VCPIP1: variants seen among roughly 807,000 people sequenced by gnomAD.
VCPIP1 encodes the protein deubiquitinating protein VCPIP1.
VCPIP1 carries 8 observed loss-of-function variants against 85.0 expected under a neutral mutation model. The observed-to-expected ratio is 0.09, with a 90% confidence interval of 0.06 to 0.17. The LOEUF (loss-of-function observed/expected upper bound fraction) is 0.17, where lower values mean the gene tolerates loss of function less well. Ranked by LOEUF, VCPIP1 falls within the 10% of genes least tolerant of loss-of-function variation. The pLI, the probability that VCPIP1 is intolerant of heterozygous loss-of-function variation, is 1.00. For synonymous variants in VCPIP1, 543 were observed against 544.5 expected (o/e 1.00, Z 0.04); for missense variants, 1,070 against 1,486.3 (o/e 0.72, Z 4.61).
In VCPIP1 at chr8:66,665,304, T is replaced by A; in HGVS notation, c.1655A>T (p.Asp552Val). 6.2e-7 allele frequency: 1 copy of A among 1,614,032 alleles called. No individual in the cohort carries two copies. Among genetic ancestry groups the A allele is most frequent in the Non-Finnish European group, 8.5e-7 (1 of 1,179,980 alleles). The change falls in exon 1 of 3, where the codon GAT becomes GTT. Residue 552 changes from aspartate (D) to valine (V), a missense_variant. Transcript: ENST00000310421. This position sits in a 1 kb window ranked among gnomAD's most constrained non-coding sequence, Gnocchi z 4.3. ...HGTSVRKVRG[D>V]GSIVYLDGDR... is the part of the protein sequence containing the mutation. ...TCCATCCAAATACACAATAGACCCATCTCCTCTGACCTTTCGCACAGATGT... is the reference window on the plus strand; with the variant it reads ...TCCATCCAAATACACAATAGACCCAACTCCTCTGACCTTTCGCACAGATGT...
At position 66,635,069 on chromosome 8, in the gene VCPIP1, G is replaced by A. The variant is rs1433489311; in HGVS notation, c.3101C>T (p.Thr1034Ile). Residue 1034 changes from threonine to isoleucine, a missense_variant, in exon 3 of 3, where the codon ACT becomes ATT. By Grantham distance (89) the Thr-to-Ile change is moderately conservative (BLOSUM62 -1). Coordinates refer to ENST00000310421, the MANE Select transcript of VCPIP1 (RefSeq NM_025054.5). ...ATCAAGGTGTGGGTTACCAGATGCA[G>A]TTCCTAAAGAATGCCCTTTTCCCTG... The part of the protein sequence containing the change: ...AFQGKGHSLG[T>I]ASGNPHLDPR... The A allele has an allele frequency of 1.9e-6, 3 of 1,614,184 alleles. No homozygotes were observed. In the South Asian group the frequency reaches 3.3e-5, roughly 18 times the overall value.
intron 2 of VCPIP1, among the ~76,000 whole-genome samples, chr8:66,647,726 T>C (rs1441097356): frequency 5.3e-5 from 8 of 152,092 alleles, no homozygotes; most frequent in Admixed American, 5.2e-4. Flanking sequence ...ATGGATAACA[T>C]AAAGCCTTTT....
chr8:66,664,354 C>T lies in VCPIP1; in HGVS notation c.2605G>A (p.Val869Met). ...QSAAAHSAHTVKQEDIAVTGK... is the reference protein window; with the variant it reads ...QSAAAHSAHTMKQEDIAVTGK... Reference sequence around the variant, plus strand: ...GTAACAGCAATATCTTCTTGTTTCACAGTGTGGGCTGAGTGTGCTGCAGCA... The same window carrying T: ...GTAACAGCAATATCTTCTTGTTTCATAGTGTGGGCTGAGTGTGCTGCAGCA... The change falls in exon 1 of 3, where the codon GTG (valine) becomes ATG (methionine). Residue 869 changes from valine to methionine, a missense_variant. Physicochemically the swap from Val to Met is conservative, Grantham distance 21. Coordinates refer to ENST00000310421, the MANE Select transcript of VCPIP1 (RefSeq NM_025054.5). 1 of 1,613,604 alleles carries T rather than the reference C, an allele frequency of 6.2e-7. No homozygotes were observed. The highest frequency in any genetic ancestry group is 1.1e-5 in the South Asian group (1 of 91,076).
At chr8:66,653,059 C>T (rs1338157443) in intron 1 of VCPIP1, among the ~76,000 whole-genome samples, 1 of 152,188 alleles carries the variant, frequency 6.6e-6, no homozygotes, top group African/African-American at 2.4e-5. Context: ...CTTTATGTGG[C>T]AGTTGGCTAA....
At chr8:66,645,639 T>C (rs1470250987) in intron 2 of VCPIP1, among the ~76,000 whole-genome samples, 2 of 151,112 alleles carry the variant, frequency 1.3e-5, no homozygotes. Context: ...ATAACATTTT[T>C]GGTCAGGCAC....
intron 2 of VCPIP1, among the ~76,000 whole-genome samples, chr8:66,642,623 T>A (rs930899573): frequency 1.3e-5 from 2 of 152,210 alleles, no homozygotes; most frequent in African/African-American, 4.8e-5. Flanking sequence ...GAGGTAGACA[T>A]CAAACTTCAA....
rs1203859216 is a variant in VCPIP1, at chr8:66,665,605, C to T, written c.1354G>A (p.Glu452Lys). 1 of 1,614,200 alleles carries T rather than the reference C, an allele frequency of 6.2e-7. No homozygotes were observed. The highest frequency in any genetic ancestry group is 1.7e-5 in the Admixed American group (1 of 60,026). The stretch of plus-strand genomic sequence containing the variant: ...GCTTTTTTAGCAGCTGCTGTGACTT[C>T]CTCAGGCTGAACTCCTATCACTCCA... ...RTGVIGVQPE[E>K]VTAAAKKAVM... is the part of the protein sequence containing the mutation. The change falls in exon 1 of 3, where the codon GAA (glutamate) becomes AAA (lysine). Residue 452 changes from glutamate to lysine, a missense_variant. Coordinates refer to ENST00000310421, the MANE Select transcript of VCPIP1 (RefSeq NM_025054.5). The surrounding 1 kb of genome is among the most constrained non-coding windows in gnomAD (Gnocchi z 4.3).
In VCPIP1 at chr8:66,629,950, T is replaced by G. The variant is rs2130136146; in HGVS notation, c.*4551A>C. 1 of 152,336 alleles carries G rather than the reference T, an allele frequency of 6.6e-6. No homozygotes were observed. The highest frequency in any genetic ancestry group is 2.1e-4 in the South Asian group (1 of 4,830). The allele number at this position is 152,336 out of a possible 1,614,324, so 9.4% of individuals were successfully genotyped here. ...CACTATTCCTGTACGATAACCCGCT[T>G]AAGTTCAACAAGAAAACTTTATTAT... On this transcript the variant is annotated 3_prime_UTR_variant, in exon 3 of 3. Transcript: ENST00000310421.
chr8:66,644,644 T>C (rs1236383616), intron 2 of VCPIP1, among the ~76,000 whole-genome samples: 1 of 152,182 alleles, frequency 6.6e-6, no homozygotes, highest in Non-Finnish European at 1.5e-5. Flanking sequence ...GACTCAACAC[T>C]GAACTAAAGG....
rs745745225 is a variant in VCPIP1, at chr8:66,635,098, G to C, written c.3072C>G (p.Ala1024=). The change falls in exon 3 of 3, where the codon GCC becomes GCG. Residue 1024 remains alanine (A), a synonymous_variant. Coordinates refer to ENST00000310421, the MANE Select transcript of VCPIP1 (RefSeq NM_025054.5). ...KKSEQLHNVT[A]FQGKGHSLGT... is the part of the protein sequence containing the mutation. ...CTAAAGAATGCCCTTTTCCCTGAAA[G>C]GCAGTTACGTTATGAAGTTGCTCAG... 6.2e-7 allele frequency: 1 copy of C among 1,614,212 alleles called. No homozygotes were observed. Among genetic ancestry groups the C allele is most frequent in the South Asian group, 1.1e-5 (1 of 91,092 alleles).
At chr8:66,638,970 C>CTCTCTATATATATATATATA in intron 2 of VCPIP1, among the ~76,000 whole-genome samples, 10 of 118,428 alleles carry the variant, frequency 8.4e-5, no homozygotes, top group African/African-American at 3.9e-4. Flanking sequence ...CTCTCTCTCT[C>CTCTCTATATATATATATATA]TATATATATA....
chr8:66,653,138 A>T (rs1811069376), intron 1 of VCPIP1, among the ~76,000 whole-genome samples: 2 of 152,238 alleles, frequency 1.3e-5, no homozygotes, highest in South Asian at 4.1e-4. Flanking sequence ...GTTTCAGTTA[A>T]TCAAAACATT....
At chr8:66,654,716 C>A (rs1197512867) in intron 1 of VCPIP1, among the ~76,000 whole-genome samples, 1 of 152,212 alleles carries the variant, frequency 6.6e-6, no homozygotes, top group Non-Finnish European at 1.5e-5. Flanking sequence ...CTCTCCACTG[C>A]ATTTCTCTCC....
At chr8:66,638,970 C>CTCTCTATATATA in intron 2 of VCPIP1, among the ~76,000 whole-genome samples, 5 of 118,440 alleles carry the variant, frequency 4.2e-5, no homozygotes, top group South Asian at 2.8e-4. Flanking sequence ...CTCTCTCTCT[C>CTCTCTATATATA]TATATATATA....
At chr8:66,648,659 A>G (rs529178391) in intron 2 of VCPIP1, among the ~76,000 whole-genome samples, 189 of 152,054 alleles carry the variant, frequency 1.2e-3, no homozygotes, top group African/African-American at 4.4e-3. Context: ...GGTTCAAGCA[A>G]TTCTCGGGTC....
At chr8:66,643,868 A>G (rs901688806) in intron 2 of VCPIP1, among the ~76,000 whole-genome samples, 11 of 149,024 alleles carry the variant, frequency 7.4e-5, no homozygotes, top group Admixed American at 1.3e-4. Flanking sequence ...AAAGATCAAC[A>G]GCCAGAATGG....
chr8:66,631,833 A>G lies in VCPIP1; in HGVS notation c.*2668T>C, dbSNP rs1049517791. ...ATGGAGTTAATTATATTCTATCTTAATATATGGCAGCATCTTGTTTTCTTC... is the reference window on the plus strand; with the variant it reads ...ATGGAGTTAATTATATTCTATCTTAGTATATGGCAGCATCTTGTTTTCTTC... On this transcript the variant is annotated 3_prime_UTR_variant, in exon 3 of 3. Coordinates refer to ENST00000310421, the MANE Select transcript of VCPIP1 (RefSeq NM_025054.5). 6 of 152,532 alleles carry G rather than the reference A, an allele frequency of 3.9e-5. No individual in the cohort carries two copies. The highest frequency in any genetic ancestry group is 3.3e-4 in the Admixed American group (5 of 15,266). The allele number at this position is 152,532 out of a possible 1,614,324, so 9.4% of individuals were successfully genotyped here.
rs542951387 is a variant in VCPIP1 at position 66,631,254 on chromosome 8, A to G, written c.*3247T>C. 1 of 152,402 alleles carries G rather than the reference A, an allele frequency of 6.6e-6. No homozygotes were observed. Among genetic ancestry groups the G allele is most frequent in the Admixed American group, 6.5e-5 (1 of 15,288 alleles). The allele number at this position is 152,402 out of a possible 1,614,324, so 9.4% of individuals were successfully genotyped here. A position where few individuals can be genotyped will look rare whatever the true frequency, so the allele number is the denominator to read the frequency against. On this transcript the variant is annotated 3_prime_UTR_variant, in exon 3 of 3. Coordinates refer to ENST00000310421, the MANE Select transcript of VCPIP1 (RefSeq NM_025054.5). ...ACTGTATTGATATTCTGAAATAAAC[A>G]CTTTATGCTGCCACTATATTGACCA... is the stretch of plus-strand genomic sequence containing the variant.
chr8:66,647,081 G>A (rs969477156), intron 2 of VCPIP1, among the ~76,000 whole-genome samples: 1 of 151,886 alleles, frequency 6.6e-6, no homozygotes, highest in African/African-American at 2.4e-5. Context: ...GGTGGCTCAC[G>A]CCTGTAATTC....
Sources: gnomAD v4.1 joint callset for allele counts (sites outside exome capture counted in the v4.1 genomes callset) on GRCh38, gnomAD v4.1.1 for gene constraint, Gnocchi (gnomAD v3.1) non-coding constraint, MANE v1.5 for transcripts, NCBI Gene and HGNC (gene_info 2026-07-23, HGNC 2026-07-21) for gene names.